The following ADAMTS15 variants were observed in gnomAD, a reference collection of about 807,000 sequenced individuals.
ADAMTS15 encodes ADAM metallopeptidase with thrombospondin type 1 motif 15.
Under a neutral mutation model 79.1 loss-of-function variants are expected in ADAMTS15, and 35 were observed. That is an observed-to-expected ratio of 0.44 (90% CI 0.34 to 0.59). The LOEUF (loss-of-function observed/expected upper bound fraction) is 0.59, where lower values mean the gene tolerates loss of function less well. Among genes scored for constraint, ADAMTS15 ranks in the 20% least tolerant of loss-of-function variants. ADAMTS15 has a pLI of 0.02. For missense variants in ADAMTS15, 1,324 were observed against 1,318.7 expected, an observed-to-expected ratio of 1.00 and a Z score of -0.06; for synonymous variants, 616 against 567.3, an observed-to-expected ratio of 1.09 and a Z score of -1.22.
chr11:130,470,143 T>C lies in ADAMTS15; in HGVS notation c.1720+704T>C, dbSNP rs1245278220. Among the ~76,000 whole-genome samples, 40 of 59,820 alleles carry C rather than the reference T, an allele frequency of 6.7e-4. 1 individual carries two copies. Among genetic ancestry groups the C allele is most frequent in the African/African-American group, 9.6e-4 (11 of 11,420 alleles). The allele number at this position is 59,820 out of a possible 152,430, so 39.2% of individuals were successfully genotyped here. A position where few individuals can be genotyped will look rare whatever the true frequency, so the allele number is the denominator to read the frequency against. ...TCATATATATATATACATATATATA[T>C]ATATATATGTGTATATATATATATA... On this transcript the variant is annotated intron_variant, in intron 5 of 7. Transcript: ENST00000299164.
In ADAMTS15 at chr11:130,462,797, G is replaced by T; in HGVS notation, c.1542+17G>T. ...AAGCACAGGGTGAGTGAGTGCTGGA[G>T]CTGCGCTCGGGGACTGCTGGGAGGA... On this transcript the variant is annotated intron_variant, in intron 4 of 7. Transcript: ENST00000299164. This position sits in a 1 kb window ranked among gnomAD's most constrained non-coding sequence, Gnocchi z 4.3. 1 of 1,568,394 alleles carries T rather than the reference G, an allele frequency of 6.4e-7. No homozygotes were observed. The highest frequency in any genetic ancestry group is 8.7e-7 in the Non-Finnish European group (1 of 1,150,038).
chr11:130,457,182 G>T (rs1310125338), intron 1 of ADAMTS15, among the ~76,000 whole-genome samples: 3 of 146,754 alleles, frequency 2.0e-5, no homozygotes, highest in Non-Finnish European at 4.5e-5. Context: ...AGTGAGCCGA[G>T]ATCACACGAC....
rs572872665 is a variant in ADAMTS15, at chr11:130,473,041, C to T, written c.2079-6C>T. 23 of 1,612,142 alleles carry T rather than the reference C, an allele frequency of 1.4e-5. No individual in the cohort carries two copies. The highest frequency in any genetic ancestry group is 6.7e-5 in the Admixed American group (4 of 60,006). The stretch of plus-strand genomic sequence containing the variant: ...TCTGATGCACGGCCCCCCTTTCCCC[C>T]GCCAGGCATGGCTACAATTTCGTGG... On this transcript the variant is annotated splice_region_variant and splice_polypyrimidine_tract_variant and intron_variant, in intron 7 of 7. Coordinates refer to ENST00000299164, the MANE Select transcript of ADAMTS15 (RefSeq NM_139055.4).
At chr11:130,460,004 G>A (rs139239892) in intron 1 of ADAMTS15, among the ~76,000 whole-genome samples, 1 of 152,300 alleles carries the variant, frequency 6.6e-6, no homozygotes, top group East Asian at 1.9e-4. Flanking sequence ...CGTTATTTCA[G>A]TGGGATGTTG....
intron 5 of ADAMTS15, among the ~76,000 whole-genome samples, chr11:130,470,209 T>TATATATATACAC (rs1491377478): frequency 1.7e-5 from 1 of 60,108 alleles, no homozygotes; most frequent in Admixed American, 1.5e-4. Flanking sequence ...TATATATATA[T>TATATATATACAC]GTATATATAT....
chr11:130,449,161 A>C lies in ADAMTS15; in HGVS notation c.188A>C (p.Asp63Ala). ...LIFQITAFQE[D>A]FYLHLTPDAQ... ...TTTCAGATCACAGCATTTCAGGAGG[A>C]CTTTTACCTACACCTGACGCCGGAT... is the stretch of plus-strand genomic sequence containing the variant. Residue 63 changes from aspartate (D) to alanine (A), a missense_variant, in exon 1 of 8, where the codon GAC becomes GCC. Coordinates refer to ENST00000299164, the MANE Select transcript of ADAMTS15 (RefSeq NM_139055.4). The surrounding 1 kb of genome is among the most constrained non-coding windows in gnomAD (Gnocchi z 7.8). The C allele has an allele frequency of 6.2e-7, 1 of 1,607,758 alleles. No homozygotes were observed. Among genetic ancestry groups the C allele is most frequent in the Non-Finnish European group, 8.5e-7 (1 of 1,175,610 alleles).
intron 4 of ADAMTS15, among the ~76,000 whole-genome samples, chr11:130,465,819 A>T (rs1399258938): frequency 6.9e-6 from 1 of 144,284 alleles, no homozygotes; most frequent in Admixed American, 6.9e-5. Context: ...CCTTCTCATT[A>T]CCTTTACTGC....
Position 130,473,653 on chromosome 11 carries a change from C to T in ADAMTS15, c.2685C>T (p.Pro895=), listed in dbSNP as rs145831913. The change falls in exon 8 of 8, where the codon CCC becomes CCT. Residue 895 remains proline, a synonymous_variant. Transcript: ENST00000299164. The part of the protein sequence containing the change: ...VETQACGEPC[P]TWELSAWSPC... ...CACAAGCCTGCGGGGAGCCCTGCCC[C>T]ACCTGGGAGCTCAGCGCCTGGTCAC... The T allele has an allele frequency of 1.2e-6, 2 of 1,606,960 alleles. No homozygotes were observed. The highest frequency in any genetic ancestry group is 1.7e-5 in the Admixed American group (1 of 60,022).
intron 1 of ADAMTS15, among the ~76,000 whole-genome samples, chr11:130,455,509 G>A (rs1393151290): frequency 3.3e-5 from 5 of 152,228 alleles, no homozygotes. Flanking sequence ...AGGTGATTGT[G>A]GAAGGAAGGT....
intron 7 of ADAMTS15, 57 bp downstream of exon 7, chr11:130,471,440 C>G (rs1938456803): frequency 3.2e-6 from 5 of 1,568,244 alleles, no homozygotes; most frequent in Non-Finnish European, 4.3e-6. Flanking sequence ...GGTGGAGTTT[C>G]CCAGGGTATT....
chr11:130,471,456 C>G, intron 7 of ADAMTS15, 73 bp downstream of exon 7: 1 of 1,536,294 alleles, frequency 6.5e-7, no homozygotes, highest in Non-Finnish European at 8.7e-7. Context: ...GTATTGGAAG[C>G]TTGGGTTAGA....
chr11:130,471,217 G>A lies in ADAMTS15; in HGVS notation c.1912G>A (p.Gly638Ser), dbSNP rs370406941. The A allele has an allele frequency of 1.3e-5, 21 of 1,597,716 alleles. No individual in the cohort carries two copies. Among genetic ancestry groups the A allele is most frequent in the African/African-American group, 8.1e-5 (6 of 74,198 alleles). Residue 638 changes from glycine to serine, a missense_variant, in exon 7 of 8, where the codon GGC becomes AGC. Physicochemically the swap from Gly to Ser is moderately conservative, Grantham distance 56. Transcript: ENST00000299164. ...TTCTGGGGTGCTGCAGGTGGTGGAC[G>A]GCACGCTGTGCTCTCCTGACTCCAC... ...FYVLAPKVVDGTLCSPDSTSV... is the reference protein window; with the variant it reads ...FYVLAPKVVDSTLCSPDSTSV...
At chr11:130,470,179 T>TATATAC (rs1938413295) in intron 5 of ADAMTS15, among the ~76,000 whole-genome samples, 1 of 48,172 alleles carries the variant, frequency 2.1e-5, no homozygotes, top group African/African-American at 1.2e-4. Flanking sequence ...TATATATATA[T>TATATAC]ATGTGTGTAT....
At position 130,449,040 on chromosome 11, in the gene ADAMTS15, C is replaced by A. The variant is rs146878786; in HGVS notation, c.67C>A (p.Arg23=). ...AACCGCTGGAGGCTCTGAGCCAGAG[C>A]GGGAGGTAGTCGTTCCCATCCGACT... ...GRTAGGSEPE[R]EVVVPIRLDP... Residue 23 remains arginine (R), a synonymous_variant, in exon 1 of 8, where the codon CGG becomes AGG. Transcript: ENST00000299164. The surrounding 1 kb of genome is among the most constrained non-coding windows in gnomAD (Gnocchi z 7.8). 5.4e-4 allele frequency: 833 copies of A among 1,535,818 alleles called. 7 individuals carry two copies. The African/African-American group carries it at 0.011, about 20-fold the overall frequency.
intron 4 of ADAMTS15, among the ~76,000 whole-genome samples, chr11:130,468,084 A>C (rs919047875): frequency 1.3e-5 from 2 of 152,120 alleles, no homozygotes; most frequent in African/African-American, 2.4e-5. Context: ...ACAACAAATA[A>C]AGGGAATCTT....
In ADAMTS15 at chr11:130,473,653, C is replaced by A. The variant is rs145831913; in HGVS notation, c.2685C>A (p.Pro895=). The part of the protein sequence containing the change: ...VETQACGEPC[P]TWELSAWSPC... ...CACAAGCCTGCGGGGAGCCCTGCCCCACCTGGGAGCTCAGCGCCTGGTCAC... is the reference window on the plus strand; with the variant it reads ...CACAAGCCTGCGGGGAGCCCTGCCCAACCTGGGAGCTCAGCGCCTGGTCAC... Residue 895 remains proline, a synonymous_variant, in exon 8 of 8, where the codon CCC becomes CCA. Transcript: ENST00000299164. 5.6e-6 allele frequency: 9 copies of A among 1,606,842 alleles called. No homozygotes were observed. The South Asian group carries it at 6.6e-5, about 12-fold the overall frequency.
At chr11:130,460,872 C>A (rs918048558) in intron 1 of ADAMTS15, among the ~76,000 whole-genome samples, 2 of 152,168 alleles carry the variant, frequency 1.3e-5, no homozygotes, top group African/African-American at 4.8e-5. Flanking sequence ...TTCCTAGCAG[C>A]CACTGAGCGT....
At chr11:130,452,339 G>A (rs1005648439) in intron 1 of ADAMTS15, among the ~76,000 whole-genome samples, 1 of 152,144 alleles carries the variant, frequency 6.6e-6, no homozygotes, top group African/African-American at 2.4e-5. Flanking sequence ...CAAAGTGATC[G>A]GTCTCCAGGC....
chr11:130,458,809 G>A (rs372492188), intron 1 of ADAMTS15, among the ~76,000 whole-genome samples: 22 of 152,192 alleles, frequency 1.4e-4, no homozygotes, highest in South Asian at 6.2e-4. Context: ...GCCTGCCCCC[G>A]CAGGCTGCAA....
Sources: gnomAD v4.1 joint callset for allele counts (sites outside exome capture counted in the v4.1 genomes callset) on GRCh38, gnomAD v4.1.1 for gene constraint, Gnocchi (gnomAD v3.1) non-coding constraint, MANE v1.5 for transcripts, NCBI Gene and HGNC (gene_info 2026-07-23, HGNC 2026-07-21) for gene names.